ADGRF4: variants seen among roughly 807,000 people sequenced by gnomAD.
ADGRF4 encodes the protein adhesion G protein-coupled receptor F4.
A neutral mutation model predicts 58.5 loss-of-function variants in ADGRF4; 63 were observed. The observed-to-expected ratio is 1.08, with a 90% CI of 0.88 to 1.33. The LOEUF is 1.33. Among genes scored for constraint, ADGRF4 ranks in the 40% most tolerant of loss-of-function variants. The probability of loss-of-function intolerance (pLI) is 0.00; values close to 1 mark genes in which losing one functional copy is unlikely to be tolerated. For missense variants in ADGRF4, 931 were observed against 843.9 expected (o/e 1.10, Z -1.28); for synonymous variants, 313 against 295.4 (o/e 1.06, Z -0.61).
rs542028227 is a variant in ADGRF4, at chr6:47,721,345, C to T, written c.*140C>T. The T allele has an allele frequency of 2.8e-4, 42 of 152,258 alleles. No individual in the cohort carries two copies. The highest frequency in any genetic ancestry group is 9.6e-4 in the African/African-American group (40 of 41,536). 9.4% of individuals were successfully genotyped at this position (152,258 alleles called of 1,614,324 possible). A position where few individuals can be genotyped will look rare whatever the true frequency, so the allele number is the denominator to read the frequency against. ...TTCTCTTCTTGTCAGGAGTGACTCC[C>T]AAGCTCTTGGTCGGCCGAAGAAAAA... On this transcript the variant is annotated 3_prime_UTR_variant, in exon 10 of 10. Transcript: ENST00000283303.
chr6:47,708,080 C>T (rs185332921), intron 2 of ADGRF4, 144 bp from the exon 3 acceptor site: 91 of 621,154 alleles, frequency 1.5e-4, no homozygotes, highest in African/African-American at 9.6e-4. Context: ...AGCAAGTTAC[C>T]GCAATACCAG....
intron 7 of ADGRF4, 90 bp from the exon 8 acceptor site, chr6:47,717,202 A>G (rs1772041632): frequency 1.1e-6 from 1 of 885,496 alleles, no homozygotes; most frequent in East Asian, 2.4e-5. Flanking sequence ...TGCTTCTGCC[A>G]GGGTTACTGG....
intron 9 of ADGRF4, 21 bp downstream of exon 9, chr6:47,718,466 G>T (rs369530485): frequency 5.2e-5 from 73 of 1,416,846 alleles, no homozygotes; most frequent in Non-Finnish European, 6.3e-5. Flanking sequence ...AAAATATAAA[G>T]AGAAATTTCA....
rs142609448 is a variant in ADGRF4, at chr6:47,708,124, T to G, written c.94-100T>G. On this transcript the variant is annotated intron_variant, in intron 2 of 9. Coordinates refer to ENST00000283303, the MANE Select transcript of ADGRF4 (RefSeq NM_153838.5). Reference sequence around the variant, plus strand: ...TCTGCTGCAGTTTTCTTTCTAGTCCTGAACACATTTTCTTTTCATATTCAT... The same window carrying G: ...TCTGCTGCAGTTTTCTTTCTAGTCCGGAACACATTTTCTTTTCATATTCAT... 3.6e-4 allele frequency: 306 copies of G among 851,760 alleles called. No homozygotes were observed. In the African/African-American group the frequency reaches 4.7e-3, roughly 13 times the overall value. The allele number at this position is 851,760 out of a possible 1,614,324, so 52.8% of individuals were successfully genotyped here.
chr6:47,720,210 CAG>C (rs1034449876), intron 9 of ADGRF4, among the ~76,000 whole-genome samples: 78 of 152,162 alleles, frequency 5.1e-4, no homozygotes, highest in African/African-American at 1.8e-3. Flanking sequence ...TCAGCGGAGA[CAG>C]GGGCCCCACA....
intron 3 of ADGRF4, 115 bp downstream of exon 3, chr6:47,708,393 C>T: frequency 1.4e-6 from 1 of 714,864 alleles, no homozygotes; most frequent in Non-Finnish European, 2.5e-6. Context: ...ATAGCAATCT[C>T]CAGTAAGTCC....
At chr6:47,702,984 C>T (rs1771622856) in intron 1 of ADGRF4, among the ~76,000 whole-genome samples, 1 of 152,170 alleles carries the variant, frequency 6.6e-6, no homozygotes, top group Non-Finnish European at 1.5e-5. Context: ...CCATGGTTTG[C>T]TTATATCCAT....
At chr6:47,703,953 T>C (rs1013006934) in intron 1 of ADGRF4, among the ~76,000 whole-genome samples, 3 of 152,178 alleles carry the variant, frequency 2.0e-5, no homozygotes, top group Admixed American at 2.0e-4. Context: ...TGCCAAATAC[T>C]TTCTTTCAAC....
intron 1 of ADGRF4, among the ~76,000 whole-genome samples, chr6:47,705,679 C>T (rs1312711331): frequency 1.3e-5 from 2 of 152,222 alleles, no homozygotes; most frequent in African/African-American, 4.8e-5. Flanking sequence ...CCATCTTATG[C>T]TTGACTCTAC....
At chr6:47,703,768 T>C (rs1260024923) in intron 1 of ADGRF4, among the ~76,000 whole-genome samples, 3 of 152,244 alleles carry the variant, frequency 2.0e-5, no homozygotes, top group African/African-American at 7.2e-5. Flanking sequence ...TTTATTTATG[T>C]ACATATATGA....
Position 47,719,466 on chromosome 6 carries a change from G to A in ADGRF4, c.*3+1021G>A, listed in dbSNP as rs1482181317. Among the ~76,000 whole-genome samples the A allele has an allele frequency of 2.6e-5, 4 of 152,244 alleles. No individual in the cohort carries two copies. In the East Asian group the frequency reaches 7.7e-4, roughly 29 times the overall value. On this transcript the variant is annotated intron_variant, in intron 9 of 9. Transcript: ENST00000283303. ...TTTACAAAAGTTGACCCTTCTGCTC[G>A]CTGCCCATTTCCTAGTCTGTCAGCT...
intron 1 of ADGRF4, among the ~76,000 whole-genome samples, chr6:47,699,128 C>T (rs1464080796): frequency 6.6e-6 from 1 of 152,188 alleles, no homozygotes; most frequent in African/African-American, 2.4e-5. Context: ...GTCTTTTAGA[C>T]TGAATGTAAA....
chr6:47,720,363 A>G (rs554946148), intron 9 of ADGRF4, among the ~76,000 whole-genome samples: 1 of 152,272 alleles, frequency 6.6e-6, no homozygotes, highest in South Asian at 2.1e-4. Context: ...GAAGGCTGAC[A>G]TGGTCTCAGG....
intron 1 of ADGRF4, among the ~76,000 whole-genome samples, chr6:47,705,555 C>T (rs571302505): frequency 6.6e-6 from 1 of 152,212 alleles, no homozygotes; most frequent in African/African-American, 2.4e-5. Context: ...AATAAACACA[C>T]CTTCCCCTCT....
Position 47,714,618 on chromosome 6 carries a change from T to A in ADGRF4, c.1373T>A (p.Ile458Asn). The A allele has an allele frequency of 1.2e-6, 2 of 1,614,166 alleles. No homozygotes were observed. The highest frequency in any genetic ancestry group is 1.7e-6 in the Non-Finnish European group (2 of 1,180,000). The stretch of plus-strand genomic sequence containing the variant: ...CTTCTGACTGCCAATGTGTGGTTTA[T>A]CATAGGCTCTCACTTTAACATTAAG... Reference protein sequence around the residue: ...VSLLTANVWFIIGSHFNIKAQ... With the variant: ...VSLLTANVWFNIGSHFNIKAQ... The change falls in exon 6 of 10, where the codon ATC becomes AAC. Residue 458 changes from isoleucine (I) to asparagine (N), a missense_variant. Physicochemically the swap from Ile to Asn is moderately radical, Grantham distance 149 (BLOSUM62 -3). Transcript: ENST00000283303.
intron 1 of ADGRF4, among the ~76,000 whole-genome samples, chr6:47,702,965 A>G (rs1262195337): frequency 1.3e-5 from 2 of 152,206 alleles, no homozygotes; most frequent in African/African-American, 4.8e-5. Flanking sequence ...CTTCTTCTTT[A>G]GGTACTGACC....
chr6:47,717,376 GC>G (rs1334251321), intron 8 of ADGRF4, 25 bp downstream of exon 8: 1 of 1,528,444 alleles, frequency 6.5e-7, no homozygotes, highest in Non-Finnish European at 9.1e-7. Context: ...TTTAGTCTCA[GC>G]CCTGGAGAGT....
intron 1 of ADGRF4, among the ~76,000 whole-genome samples, chr6:47,701,936 C>T (rs535184445): frequency 6.6e-6 from 1 of 152,168 alleles, no homozygotes; most frequent in Non-Finnish European, 1.5e-5. Flanking sequence ...CAGGTTCAAG[C>T]GATTTGATTC....
At chr6:47,699,619 C>T (rs1771540182) in intron 1 of ADGRF4, among the ~76,000 whole-genome samples, 1 of 152,148 alleles carries the variant, frequency 6.6e-6, no homozygotes, top group African/African-American at 2.4e-5. Context: ...AACAGATTGG[C>T]TGGAAGCCAT....
Sources: allele counts gnomAD v4.1 joint callset (sites outside exome capture counted in the v4.1 genomes callset), GRCh38; gene constraint gnomAD v4.1.1; transcripts MANE v1.5; gene names NCBI Gene and HGNC (gene_info 2026-07-23, HGNC 2026-07-21).